NKX3-2: variants seen among roughly 807,000 people sequenced by gnomAD.
The protein encoded by NKX3-2 is homeobox protein Nkx-3.2.
Under a neutral mutation model 19.4 loss-of-function variants are expected in NKX3-2, and 13 were observed. The observed-to-expected ratio is 0.67, with a 90% confidence interval of 0.44 to 1.07. The LOEUF is 1.07. Ranked by LOEUF, NKX3-2 falls within the 50% of genes least tolerant of loss-of-function variation. NKX3-2 has a pLI of 0.00. For missense variants in NKX3-2, 562 were observed against 488.2 expected (o/e 1.15, Z -1.42); for synonymous variants, 269 against 230.5 (o/e 1.17, Z -1.51).
chr4:13,545,526 G>C (rs551574397), upstream of NKX3-2, among the ~76,000 whole-genome samples: 23 of 152,078 alleles, frequency 1.5e-4, no homozygotes, highest in African/African-American at 5.5e-4. Context: ...AGTTAATTAA[G>C]ATCACTCTAG....
chr4:13,544,293 G>A lies in NKX3-2; in HGVS notation c.122C>T (p.Ala41Val), dbSNP rs1449388824. 2 of 1,540,336 alleles carry A rather than the reference G, an allele frequency of 1.3e-6. No individual in the cohort carries two copies. The highest frequency in any genetic ancestry group is 8.7e-7 in the Non-Finnish European group (1 of 1,151,034). The change falls in exon 1 of 2, where the codon GCA (alanine) becomes GTA (valine). Residue 41 changes from alanine (A) to valine (V), a missense_variant. By Grantham distance (64) the Ala-to-Val change is moderately conservative. Coordinates refer to ENST00000382438, the MANE Select transcript of NKX3-2 (RefSeq NM_001189.4). ...GACAGCGGGAGCCGCGGCCACCGAT[G>A]CCGCTGTGCCCCCGGGCGCCGGGCG... ...EGRPAPGGTAASVAAAPAVCC... is the reference protein window; with the variant it reads ...EGRPAPGGTAVSVAAAPAVCC...
At position 13,544,326 on chromosome 4, in the gene NKX3-2, G is replaced by A. The variant is rs1472236431; in HGVS notation, c.89C>T (p.Pro30Leu). The change falls in exon 1 of 2, where the codon CCA becomes CTA. Residue 30 changes from proline to leucine, a missense_variant. By Grantham distance (98) the Pro-to-Leu change is moderately conservative. Transcript: ENST00000382438. ...GCCCCCGGGCGCCGGGCGCCCCTCT[G>A]GCGCGGCCAGCCCGCCGCGCTCCTC... ...KKEERGGLAA[P>L]EGRPAPGGTA... is the part of the protein sequence containing the mutation. 1 of 1,531,818 alleles carries A rather than the reference G, an allele frequency of 6.5e-7. No individual in the cohort carries two copies. Among genetic ancestry groups the A allele is most frequent in the Admixed American group, 2.0e-5 (1 of 48,938 alleles). 94.9% of individuals were successfully genotyped at this position (1,531,818 alleles called of 1,614,324 possible).
rs890046327 is a variant in NKX3-2 at position 13,543,615 on chromosome 4, T to C, written c.466+334A>G. ...TTTCCGCTTCCCTGATTTTGGGGAT[T>C]TGGGGACAGACACGGCAGAAAGCAC... On this transcript the variant is annotated intron_variant, in intron 1 of 1. Transcript: ENST00000382438. The surrounding 1 kb of genome is among the most constrained non-coding windows in gnomAD (Gnocchi z 7.1). Among the ~76,000 whole-genome samples, 2 of 152,084 alleles carry C rather than the reference T, an allele frequency of 1.3e-5. No individual in the cohort carries two copies. Among genetic ancestry groups the C allele is most frequent in the Non-Finnish European group, 2.9e-5 (2 of 68,020 alleles).
chr4:13,542,071 C>T lies in NKX3-2; in HGVS notation c.924G>A (p.Gln308=), dbSNP rs766729277. Residue 308 remains glutamine, a synonymous_variant, in exon 2 of 2, where the codon CAG becomes CAA. Coordinates refer to ENST00000382438, the MANE Select transcript of NKX3-2 (RefSeq NM_001189.4). The surrounding 1 kb of genome is among the most constrained non-coding windows in gnomAD (Gnocchi z 6.4). ...AGTAGTACGGGTAATAGTAGGAGGG[C>T]TGCAGTGGCAGAAGCGAGGGTGGCC... ...VLRPPSLLPL[Q]PSYYYPYYCL... is the part of the protein sequence containing the mutation. The T allele has an allele frequency of 5.6e-6, 9 of 1,608,240 alleles. No homozygotes were observed. Among genetic ancestry groups the T allele is most frequent in the South Asian group, 1.1e-5 (1 of 90,314 alleles).
Position 13,541,964 on chromosome 4 carries a change from A to T in NKX3-2, c.*29T>A. 6.4e-7 allele frequency: 1 copy of T among 1,559,490 alleles called. No individual in the cohort carries two copies. The highest frequency in any genetic ancestry group is 1.2e-5 in the South Asian group (1 of 84,634). On this transcript the variant is annotated 3_prime_UTR_variant, in exon 2 of 2. Transcript: ENST00000382438. ...CGCCGGTCCGGAGCCGGAGCGCGGG[A>T]ATCACTCGCTGCCTCAGCCCAAGCG...
At position 13,544,487 on chromosome 4, in the gene NKX3-2, C is replaced by A. The variant is rs916073146; in HGVS notation, c.-73G>T. 1.8e-6 allele frequency: 2 copies of A among 1,127,618 alleles called. No individual in the cohort carries two copies. The highest frequency in any genetic ancestry group is 3.4e-5 in the East Asian group (1 of 29,786). 69.9% of individuals were successfully genotyped at this position (1,127,618 alleles called of 1,614,324 possible). A position where few individuals can be genotyped will look rare whatever the true frequency, so the allele number is the denominator to read the frequency against. ...GAGCAGCTCCGAGCGGGACAGAGAG[C>A]GCCGGCGGCCGCAGCGCGAGTGAGC... is the stretch of plus-strand genomic sequence containing the variant. On this transcript the variant is annotated 5_prime_UTR_variant, in exon 1 of 2. Transcript: ENST00000382438.
At position 13,544,317 on chromosome 4, in the gene NKX3-2, C is replaced by A. The variant is rs778722547; in HGVS notation, c.98G>T (p.Arg33Leu). Residue 33 changes from arginine (R) to leucine (L), a missense_variant, in exon 1 of 2, where the codon CGC becomes CTC. Physicochemically the swap from Arg to Leu is moderately radical, Grantham distance 102 (BLOSUM62 -2). Coordinates refer to ENST00000382438, the MANE Select transcript of NKX3-2 (RefSeq NM_001189.4). ...ERGGLAAPEG[R>L]PAPGGTAASV... The stretch of plus-strand genomic sequence containing the variant: ...TGCCGCTGTGCCCCCGGGCGCCGGG[C>A]GCCCCTCTGGCGCGGCCAGCCCGCC... The A allele has an allele frequency of 3.3e-6, 5 of 1,529,850 alleles. No individual in the cohort carries two copies. The highest frequency in any genetic ancestry group is 4.4e-6 in the Non-Finnish European group (5 of 1,146,144). 94.8% of individuals were successfully genotyped at this position (1,529,850 alleles called of 1,614,324 possible).
chr4:13,544,974 T>C (rs1211789666), upstream of NKX3-2: 1 of 152,138 alleles, frequency 6.6e-6, no homozygotes, highest in Non-Finnish European at 1.5e-5. Flanking sequence ...CGGGGAACTT[T>C]TTTACCCCCT....
rs1560165324 is a variant in NKX3-2 at position 13,543,020 on chromosome 4, C to T, written c.467-492G>A. On this transcript the variant is annotated intron_variant, in intron 1 of 1. Transcript: ENST00000382438. The surrounding 1 kb of genome is among the most constrained non-coding windows in gnomAD (Gnocchi z 7.1). The stretch of plus-strand genomic sequence containing the variant: ...GGGAAGGTGGAGGCGGATCCTGGGG[C>T]CAAAGGTATTTAGAATCTTTCACCC... Among the ~76,000 whole-genome samples, 1 of 152,018 alleles carries T rather than the reference C, an allele frequency of 6.6e-6. No individual in the cohort carries two copies. Among genetic ancestry groups the T allele is most frequent in the Non-Finnish European group, 1.5e-5 (1 of 68,020 alleles).
In NKX3-2 at chr4:13,544,340, G is replaced by T. The variant is rs771081491; in HGVS notation, c.75C>A (p.Gly25=). The T allele has an allele frequency of 3.6e-5, 55 of 1,533,908 alleles. No individual in the cohort carries two copies. The highest frequency in any genetic ancestry group is 1.1e-4 in the African/African-American group (8 of 70,708). ...QAILNKKEER[G]GLAAPEGRPA... ...GGCGCCCCTCTGGCGCGGCCAGCCC[G>T]CCGCGCTCCTCTTTCTTGTTGAGGA... The change falls in exon 1 of 2, where the codon GGC becomes GGA. Residue 25 remains glycine, a synonymous_variant. Coordinates refer to ENST00000382438, the MANE Select transcript of NKX3-2 (RefSeq NM_001189.4).
upstream of NKX3-2, among the ~76,000 whole-genome samples, chr4:13,545,754 TG>T (rs1413335857): frequency 2.0e-5 from 3 of 152,206 alleles, no homozygotes; most frequent in Non-Finnish European, 4.4e-5. Flanking sequence ...ACTTTCAATT[TG>T]TTTTTTTTAA....
rs1228887885 is a variant in NKX3-2, at chr4:13,542,781, C to G, written c.467-253G>C. On this transcript the variant is annotated intron_variant, in intron 1 of 1. Coordinates refer to ENST00000382438, the MANE Select transcript of NKX3-2 (RefSeq NM_001189.4). This position sits in a 1 kb window ranked among gnomAD's most constrained non-coding sequence, Gnocchi z 6.4. ...TGTGTCAACGCTGTGTTGTCGAGAC[C>G]AGCTCCCCACCCTCTCTGGGCCCCA... 6.6e-6 allele frequency among the ~76,000 whole-genome samples: 1 copy of G among 152,096 alleles called. No individual in the cohort carries two copies. The highest frequency in any genetic ancestry group is 1.5e-5 in the Non-Finnish European group (1 of 68,030).
At chr4:13,547,050 G>A (rs920757979), upstream of NKX3-2, 3 of 456,238 alleles carry the variant, frequency 6.6e-6, no homozygotes, top group African/African-American at 2.0e-5. Context: ...ACTGTAGGCA[G>A]AGCCGGGAGT....
At position 13,541,641 on chromosome 4, in the gene NKX3-2, C is replaced by T. The variant is rs1717986343; in HGVS notation, c.*352G>A. ...ATTCTGAGGATTCAGGCTATGTGGTCTCCAGGAGTTGCCGCTCAGGGAAAA... is the reference window on the plus strand; with the variant it reads ...ATTCTGAGGATTCAGGCTATGTGGTTTCCAGGAGTTGCCGCTCAGGGAAAA... On this transcript the variant is annotated 3_prime_UTR_variant, in exon 2 of 2. Coordinates refer to ENST00000382438, the MANE Select transcript of NKX3-2 (RefSeq NM_001189.4). 1 of 268,528 alleles carries T rather than the reference C, an allele frequency of 3.7e-6. No homozygotes were observed. Among genetic ancestry groups the T allele is most frequent in the East Asian group, 7.5e-5 (1 of 13,386 alleles). The allele number at this position is 268,528 out of a possible 1,614,324, so 16.6% of individuals were successfully genotyped here.
chr4:13,546,634 T>G, upstream of NKX3-2: 1 of 340,672 alleles, frequency 2.9e-6, no homozygotes. Context: ...GCTTTGTGGG[T>G]TTAGTACTTG....
At chr4:13,547,385 G>C (rs1577287202), upstream of NKX3-2, 1 of 368,866 alleles carries the variant, frequency 2.7e-6, no homozygotes, top group East Asian at 7.4e-5. Flanking sequence ...CGGGCGCCAC[G>C]CTCCGGCTTG....
At chr4:13,546,474 G>A (rs1017982045), upstream of NKX3-2, 6 of 195,266 alleles carry the variant, frequency 3.1e-5, no homozygotes, top group African/African-American at 1.4e-4. Context: ...AAAACAGTGT[G>A]TCCTCTCCTC....
rs1001851297 is a variant in NKX3-2, at chr4:13,541,018, T to G, written c.*975A>C. 4.7e-5 allele frequency: 7 copies of G among 150,042 alleles called. No individual in the cohort carries two copies. Among genetic ancestry groups the G allele is most frequent in the Non-Finnish European group, 8.9e-5 (6 of 67,632 alleles). The allele number at this position is 150,042 out of a possible 1,614,324, so 9.3% of individuals were successfully genotyped here. A position where few individuals can be genotyped will look rare whatever the true frequency, so the allele number is the denominator to read the frequency against. ...GGTAAGTGAGGGGCGGATAGGGGAGTCCCGGGCCAGAGCACTGGAGTCGCA... is the reference window on the plus strand; with the variant it reads ...GGTAAGTGAGGGGCGGATAGGGGAGGCCCGGGCCAGAGCACTGGAGTCGCA... On this transcript the variant is annotated 3_prime_UTR_variant, in exon 2 of 2. Coordinates refer to ENST00000382438, the MANE Select transcript of NKX3-2 (RefSeq NM_001189.4).
chr4:13,544,016 G>T lies in NKX3-2; in HGVS notation c.399C>A (p.Ala133=). The T allele has an allele frequency of 6.4e-7, 1 of 1,564,620 alleles. No individual in the cohort carries two copies. Among genetic ancestry groups the T allele is most frequent in the Non-Finnish European group, 8.6e-7 (1 of 1,157,894 alleles). Residue 133 remains alanine (A), a synonymous_variant, in exon 1 of 2, where the codon GCC becomes GCA. Coordinates refer to ENST00000382438, the MANE Select transcript of NKX3-2 (RefSeq NM_001189.4). The part of the protein sequence containing the change: ...LSLGQPVCEL[A]ASKDLEEEAA... Reference sequence around the variant, plus strand: ...CTTCCTCCTCTAGGTCTTTGGAAGCGGCCAGCTCACAGACCGGCTGGCCGA... The same window carrying T: ...CTTCCTCCTCTAGGTCTTTGGAAGCTGCCAGCTCACAGACCGGCTGGCCGA...
Sources: allele counts gnomAD v4.1 joint callset (sites outside exome capture counted in the v4.1 genomes callset), GRCh38; gene constraint gnomAD v4.1.1; non-coding constraint Gnocchi (gnomAD v3.1); transcripts MANE v1.5; gene names NCBI Gene and HGNC (gene_info 2026-07-23, HGNC 2026-07-21).